MAGI1: variants seen among roughly 807,000 people sequenced by gnomAD.
MAGI1 encodes membrane-associated guanylate kinase, WW and PDZ domain-containing protein 1.
MAGI1 carries 58 observed loss-of-function variants against 139.9 expected under a neutral mutation model. That is an observed-to-expected ratio of 0.41 (90% CI 0.34 to 0.52). The LOEUF is 0.52. MAGI1 is among the 20% of genes least tolerant of loss of function. The pLI, the probability that MAGI1 is intolerant of heterozygous loss-of-function variation, is 0.12. For synonymous variants in MAGI1, 812 were observed against 737.9 expected (o/e 1.10, Z -1.63); for missense variants, 1,874 against 1,901.6 (o/e 0.99, Z 0.27).
chr3:65,378,591 G>A (rs554318331), intron 17 of MAGI1, among the ~76,000 whole-genome samples: 116 of 152,006 alleles, frequency 7.6e-4, no homozygotes, highest in African/African-American at 2.7e-3. Flanking sequence ...TCCTATTCAA[G>A]ACCTTTCGAA....
At chr3:65,567,991 A>T (rs1373564462) in intron 2 of MAGI1, among the ~76,000 whole-genome samples, 2 of 152,224 alleles carry the variant, frequency 1.3e-5, no homozygotes, top group Non-Finnish European at 2.9e-5. Flanking sequence ...CTTCAAAGGG[A>T]TATCAGGATA....
chr3:65,965,370 C>T (rs958560245), intron 1 of MAGI1, among the ~76,000 whole-genome samples: 1 of 152,154 alleles, frequency 6.6e-6, no homozygotes, highest in African/African-American at 2.4e-5. Context: ...ATGGAAACTT[C>T]ATATCACCTC....
chr3:65,413,893 A>G (rs1240223044), intron 12 of MAGI1, among the ~76,000 whole-genome samples: 6 of 152,176 alleles, frequency 3.9e-5, no homozygotes, highest in Non-Finnish European at 7.3e-5. Context: ...TTAATGAAAT[A>G]TTTTAGTTGG....
intron 1 of MAGI1, among the ~76,000 whole-genome samples, chr3:65,837,166 T>C (rs1337709658): frequency 6.6e-6 from 1 of 152,156 alleles, no homozygotes; most frequent in Non-Finnish European, 1.5e-5. Flanking sequence ...CGAAGTATTA[T>C]GGTACCTCAG....
intron 1 of MAGI1, among the ~76,000 whole-genome samples, chr3:65,784,939 G>A (rs1031443815): frequency 6.6e-6 from 1 of 152,148 alleles, no homozygotes; most frequent in African/African-American, 2.4e-5. Flanking sequence ...GCTACCTAGG[G>A]CTTGAGAGGG....
intron 2 of MAGI1, among the ~76,000 whole-genome samples, chr3:65,536,162 T>C (rs1010694975): frequency 6.6e-6 from 1 of 152,240 alleles, no homozygotes; most frequent in African/African-American, 2.4e-5. Flanking sequence ...GTCTGTTACA[T>C]ACATATATAC....
chr3:65,962,339 T>G (rs1204217909), intron 1 of MAGI1, among the ~76,000 whole-genome samples: 2 of 151,222 alleles, frequency 1.3e-5, no homozygotes, highest in East Asian at 4.0e-4. Context: ...GCCAGGATGG[T>G]CTTGATCTCC....
intron 1 of MAGI1, among the ~76,000 whole-genome samples, chr3:65,665,235 C>T (rs1265351145): frequency 6.6e-6 from 1 of 152,138 alleles, no homozygotes; most frequent in Non-Finnish European, 1.5e-5. Context: ...AGTTACAGGG[C>T]TCTTAGCTGT....
At chr3:65,586,615 C>T (rs1054592371) in intron 2 of MAGI1, among the ~76,000 whole-genome samples, 4 of 151,814 alleles carry the variant, frequency 2.6e-5, no homozygotes, top group Admixed American at 2.6e-4. Flanking sequence ...CAAAGATACA[C>T]AAAAATACTA....
rs1560045719 is a variant in MAGI1 at position 65,950,083 on chromosome 3, AAAAAAACAAAC to A, written c.313+87902_313+87912del. On this transcript the variant is annotated intron_variant, in intron 1 of 22. Transcript: ENST00000402939. ...ACAAAAAAACAAAAAAAAAACAAAA[AAAAAAACAAAC>A]AAAAAAAAAAAACAGAACTAGCAAT... Among the ~76,000 whole-genome samples, 67 of 74,830 alleles carry A rather than the reference AAAAAAACAAAC, an allele frequency of 9.0e-4. 3 individuals carry two copies. The highest frequency in any genetic ancestry group is 1.4e-3 in the Non-Finnish European group (46 of 32,528). The allele number at this position is 74,830 out of a possible 152,430, so 49.1% of individuals were successfully genotyped here.
intron 1 of MAGI1, among the ~76,000 whole-genome samples, chr3:65,875,991 GT>G: frequency 6.6e-6 from 1 of 152,190 alleles, no homozygotes; most frequent in East Asian, 1.9e-4. Flanking sequence ...CCAAGCATTC[GT>G]TTTTTAAGGG....
At chr3:66,028,143 A>C (rs948380237) in intron 1 of MAGI1, among the ~76,000 whole-genome samples, 43 of 152,286 alleles carry the variant, frequency 2.8e-4, no homozygotes, top group African/African-American at 9.4e-4. Context: ...CATCTCTACA[A>C]ACAAACAAAT....
At chr3:65,925,080 G>A (rs962124672) in intron 1 of MAGI1, 1 of 152,142 alleles carries the variant, frequency 6.6e-6, no homozygotes, top group Non-Finnish European at 1.5e-5. Flanking sequence ...CTCACCATGG[G>A]ATACACTGCT....
intron 1 of MAGI1, chr3:65,688,191 G>A (rs2088234065): frequency 2.6e-6 from 2 of 767,180 alleles, no homozygotes; most frequent in African/African-American, 1.7e-5. Context: ...CAACTTCAGA[G>A]TACACACAGT....
intron 3 of MAGI1, 139 bp from the exon 4 acceptor site, chr3:65,478,937 G>C: frequency 3.0e-6 from 2 of 662,768 alleles, no homozygotes; most frequent in South Asian, 3.8e-5. Flanking sequence ...TTTATTTCTG[G>C]AGTGGGTTAG....
intron 1 of MAGI1, among the ~76,000 whole-genome samples, chr3:65,722,503 T>C (rs1343780351): frequency 6.6e-6 from 1 of 151,720 alleles, no homozygotes; most frequent in African/African-American, 2.4e-5. Context: ...CACAGTGGCA[T>C]GTACCTGTAG....
At chr3:65,562,281 A>C (rs1431127388) in intron 2 of MAGI1, among the ~76,000 whole-genome samples, 1 of 152,218 alleles carries the variant, frequency 6.6e-6, no homozygotes, top group East Asian at 1.9e-4. Flanking sequence ...AATCTGAGGC[A>C]ACAATTATAG....
intron 1 of MAGI1, chr3:66,003,954 T>C (rs1190549276): frequency 6.6e-6 from 1 of 152,190 alleles, no homozygotes; most frequent in Non-Finnish European, 1.5e-5. Flanking sequence ...TATTTGTTTA[T>C]AATAATAGTA....
chr3:65,572,938 C>A lies in MAGI1; in HGVS notation c.430+49034G>T, dbSNP rs1037185792. ...CAAAGAACAGATTGTTTCTCTCCAA[C>A]ATTTACATTTCTCAGAGGTGTAGTC... On this transcript the variant is annotated intron_variant, in intron 2 of 22. Transcript: ENST00000402939. Among the ~76,000 whole-genome samples the A allele has an allele frequency of 3.3e-5, 5 of 151,648 alleles. No homozygotes were observed. In the South Asian group the frequency reaches 8.3e-4, roughly 25 times the overall value.
Sources: gnomAD v4.1 joint callset for allele counts (sites outside exome capture counted in the v4.1 genomes callset) on GRCh38, gnomAD v4.1.1 for gene constraint, MANE v1.5 for transcripts, NCBI Gene and HGNC (gene_info 2026-07-23, HGNC 2026-07-21) for gene names.